Variants in FASTK observed in about 807,000 individuals in gnomAD.
FASTK encodes the protein Fas activated serine/threonine kinase, also known as fas-activated serine/threonine kinase.
A neutral mutation model predicts 60.0 loss-of-function variants in FASTK; 28 were observed. The ratio of observed to expected loss-of-function variants is 0.47; its 90% confidence interval spans 0.35 to 0.64. The LOEUF is 0.64. FASTK is among the 30% of genes least tolerant of loss of function. The probability of loss-of-function intolerance (pLI) is 0.01; values close to 1 mark genes in which losing one functional copy is unlikely to be tolerated. For synonymous variants in FASTK, 325 were observed against 307.9 expected (o/e 1.06, Z -0.58); for missense variants, 595 against 713.8 (o/e 0.83, Z 1.90).
At chr7:151,079,376 G>A (rs962832465) in intron 2 of FASTK, 124 bp downstream of exon 2, 3 of 933,292 alleles carry the variant, frequency 3.2e-6, no homozygotes, top group Middle Eastern at 3.4e-4. Flanking sequence ...TAGGACGGGA[G>A]CAGGAGCAAG....
intron 4 of FASTK, 115 bp downstream of exon 4, chr7:151,078,447 G>C (rs1238320014): frequency 8.5e-7 from 1 of 1,182,448 alleles, no homozygotes; most frequent in Non-Finnish European, 1.2e-6. Context: ...GGTCCCAGGG[G>C]ACAGAGAGGG....
At chr7:151,078,168 G>T in intron 4 of FASTK, 76 bp from the exon 5 acceptor site, 1 of 1,165,374 alleles carries the variant, frequency 8.6e-7, no homozygotes, top group Non-Finnish European at 1.2e-6. Flanking sequence ...GCCTTAGAGA[G>T]GCTTAGCCCT....
intron 6 of FASTK, 109 bp from the exon 7 acceptor site, chr7:151,077,510 T>C: frequency 6.6e-7 from 1 of 1,510,102 alleles, no homozygotes; most frequent in Non-Finnish European, 9.0e-7. Flanking sequence ...CAGGGCCCAG[T>C]TTTATGGTGG....
chr7:151,079,684 G>T lies in FASTK; in HGVS notation c.321C>A (p.Ser107Arg), dbSNP rs752272616. The change falls in exon 2 of 10, where the codon AGC becomes AGA. Residue 107 changes from serine (S) to arginine (R), a missense_variant. Coordinates refer to ENST00000297532, the MANE Select transcript of FASTK (RefSeq NM_006712.5). ...ELLRWLGQNP[S>R]KVRAHHYSVA... ...CCGAGTAGTGGTGGGCGCGCACCTT[G>T]CTGGGGTTCTGGCCCAGCCAGCGCA... 1 of 1,608,736 alleles carries T rather than the reference G, an allele frequency of 6.2e-7. No individual in the cohort carries two copies. Among genetic ancestry groups the T allele is most frequent in the Admixed American group, 1.7e-5 (1 of 59,408 alleles).
intron 2 of FASTK, 59 bp from the exon 3 acceptor site, chr7:151,079,080 G>A: frequency 1.5e-6 from 2 of 1,368,564 alleles, no homozygotes; most frequent in Non-Finnish European, 1.9e-6. Context: ...TTCTTATCAT[G>A]GGGTTACTTG....
At position 151,078,945 on chromosome 7, in the gene FASTK, G is replaced by C; in HGVS notation, c.582C>G (p.Pro194=). Residue 194 remains proline (P), a synonymous_variant, in exon 3 of 10, where the codon CCC becomes CCG. Transcript: ENST00000297532. ...CACCTCGGAGAAGGGGCTGCAAAGG[G>C]GGAGGTGGCTTCGGAGGGAGGCGGA... ...RRLRLPPKPP[P]PLQPLLRGGQ... is the part of the protein sequence containing the mutation. 1.3e-6 allele frequency: 2 copies of C among 1,568,402 alleles called. No individual in the cohort carries two copies. Among genetic ancestry groups the C allele is most frequent in the Non-Finnish European group, 1.7e-6 (2 of 1,162,936 alleles).
At chr7:151,078,797 T>G in intron 3 of FASTK, 45 bp downstream of exon 3, 1 of 1,608,664 alleles carries the variant, frequency 6.2e-7, no homozygotes, top group Non-Finnish European at 8.5e-7. Flanking sequence ...TTCCTCCTCC[T>G]GTCAGCCCTC....
rs1797892502 is a variant in FASTK, at chr7:151,079,921, C to A, written c.84G>T (p.Trp28Cys). Residue 28 changes from tryptophan to cysteine, a missense_variant and splice_region_variant, in exon 2 of 10, where the codon TGG becomes TGT. Coordinates refer to ENST00000297532, the MANE Select transcript of FASTK (RefSeq NM_006712.5). ...GATCAGPGESWSPSPNSMLRV... is the reference protein window; with the variant it reads ...GATCAGPGESCSPSPNSMLRV... ...GAAGCATGGAGTTGGGTGATGGAGACCCTGAGGGGCAGCCCAAAAAAGGGG... is the reference window on the plus strand; with the variant it reads ...GAAGCATGGAGTTGGGTGATGGAGAACCTGAGGGGCAGCCCAAAAAAGGGG... 1 of 1,576,432 alleles carries A rather than the reference C, an allele frequency of 6.3e-7. No individual in the cohort carries two copies.
In FASTK at chr7:151,079,825, G is replaced by C; in HGVS notation, c.180C>G (p.Pro60=). 1 of 1,601,784 alleles carries C rather than the reference G, an allele frequency of 6.2e-7. No individual in the cohort carries two copies. Among genetic ancestry groups the C allele is most frequent in the Non-Finnish European group, 8.5e-7 (1 of 1,174,280 alleles). ...CCCATTTGCTGGGCCCCAAACAGCA[G>C]GGCTGTACTGGAGGGATCAGCAGCA... The part of the protein sequence containing the change: ...SGLLLIPPVQ[P]CCLGPSKWGD... The change falls in exon 2 of 10, where the codon CCC becomes CCG. Residue 60 remains proline (P), a synonymous_variant. Transcript: ENST00000297532.
rs373219100 is a variant in FASTK, at chr7:151,077,276, G to A, written c.1291+34C>T. ...GGCCGGCGGCCTTAGCCAGGGCTCC[G>A]TCTCCCCGGGCCTGCCGCCTGCCCC... On this transcript the variant is annotated intron_variant, in intron 7 of 9. Transcript: ENST00000297532. The A allele has an allele frequency of 1.2e-4, 200 of 1,611,772 alleles. 3 individuals carry two copies. Among genetic ancestry groups the A allele is most frequent in the South Asian group, 9.7e-4 (88 of 91,060 alleles).
rs764281614 is a variant in FASTK at position 151,079,549 on chromosome 7, G to C, written c.456C>G (p.Ser152=). 1 of 1,613,444 alleles carries C rather than the reference G, an allele frequency of 6.2e-7. No individual in the cohort carries two copies. The highest frequency in any genetic ancestry group is 1.1e-5 in the South Asian group (1 of 91,000). The part of the protein sequence containing the change: ...LSQLIIRNCP[S]FDIHTIHVCL... ...ACACGTGGATGGTGTGAATGTCAAA[G>C]GAGGGGCAGTTTCGGATGATGAGCT... The change falls in exon 2 of 10, where the codon TCC becomes TCG. Residue 152 remains serine, a synonymous_variant. Coordinates refer to ENST00000297532, the MANE Select transcript of FASTK (RefSeq NM_006712.5).
chr7:151,077,293 G>C lies in FASTK; in HGVS notation c.1291+17C>G. On this transcript the variant is annotated intron_variant, in intron 7 of 9. Coordinates refer to ENST00000297532, the MANE Select transcript of FASTK (RefSeq NM_006712.5). Reference sequence around the variant, plus strand: ...AGGGCTCCGTCTCCCCGGGCCTGCCGCCTGCCCCTTGCTCACCTGTGCAGT... The same window carrying C: ...AGGGCTCCGTCTCCCCGGGCCTGCCCCCTGCCCCTTGCTCACCTGTGCAGT... 6.2e-7 allele frequency: 1 copy of C among 1,612,512 alleles called. No homozygotes were observed. Among genetic ancestry groups the C allele is most frequent in the South Asian group, 1.1e-5 (1 of 91,076 alleles).
rs755148604 is a variant in FASTK, at chr7:151,077,127, G to A, written c.1401C>T (p.Ser467=). The part of the protein sequence containing the change: ...RSCPQGQAAS[S]ATTRDPAQRV... ...TCTGGGCAGGGTCTCGAGTAGTGGC[G>A]CTAGAGGCAGCCTGGCCCTGTGGGC... is the stretch of plus-strand genomic sequence containing the variant. The change falls in exon 8 of 10, where the codon AGC becomes AGT. Residue 467 remains serine (S), a synonymous_variant. Transcript: ENST00000297532. 32 of 1,611,858 alleles carry A rather than the reference G, an allele frequency of 2.0e-5. No individual in the cohort carries two copies. Among genetic ancestry groups the A allele is most frequent in the Non-Finnish European group, 2.6e-5 (31 of 1,178,892 alleles).
chr7:151,078,167 A>C, intron 4 of FASTK, 75 bp from the exon 5 acceptor site: 1 of 1,180,586 alleles, frequency 8.5e-7, no homozygotes, highest in South Asian at 1.4e-5. Context: ...AGCCTTAGAG[A>C]GGCTTAGCCC....
Position 151,078,100 on chromosome 7 carries a change from G to GTACA in FASTK, c.826-9_826-8insTGTA. On this transcript the variant is annotated splice_polypyrimidine_tract_variant and intron_variant, in intron 4 of 9. Transcript: ENST00000297532. ...GACCAACTTCTGTACCACCTGTGGA[G>GTACA]GAAGAGCAGTTCATTACCCAGTGTC... 6.3e-7 allele frequency: 1 copy of GTACA among 1,575,254 alleles called. No individual in the cohort carries two copies. Among genetic ancestry groups the GTACA allele is most frequent in the South Asian group, 1.1e-5 (1 of 88,196 alleles).
chr7:151,077,060 C>A lies in FASTK; in HGVS notation c.1428-33G>T, dbSNP rs768971500. The A allele has an allele frequency of 3.1e-6, 5 of 1,609,476 alleles. No homozygotes were observed. In the Admixed American group the frequency reaches 6.7e-5, roughly 22 times the overall value. ...GGGAGGGACGTGGCTCAGGGCATGG[C>A]GGGCAAGGTGGCCAGGGCTCCCCCA... On this transcript the variant is annotated intron_variant, in intron 8 of 9. Transcript: ENST00000297532.
In FASTK at chr7:151,078,552, G is replaced by A; in HGVS notation, c.825+10C>T. 1 of 1,611,966 alleles carries A rather than the reference G, an allele frequency of 6.2e-7. No homozygotes were observed. Among genetic ancestry groups the A allele is most frequent in the Non-Finnish European group, 8.5e-7 (1 of 1,178,678 alleles). ...ACAGAGATGCACTGGAGGGTGGGTG[G>A]CAAGCCCACCTTGCTGCTGAGTTGC... On this transcript the variant is annotated intron_variant, in intron 4 of 9. Coordinates refer to ENST00000297532, the MANE Select transcript of FASTK (RefSeq NM_006712.5).
rs1183364419 is a variant in FASTK at position 151,077,768 on chromosome 7, G to C, written c.1052C>G (p.Ala351Gly). 2 of 1,597,420 alleles carry C rather than the reference G, an allele frequency of 1.3e-6. No individual in the cohort carries two copies. The highest frequency in any genetic ancestry group is 1.7e-6 in the Non-Finnish European group (2 of 1,168,876). The stretch of plus-strand genomic sequence containing the variant: ...GGAGAGGTAGCGACGCACAATCAGA[G>C]CATGAGGGGTGCCTGTGGGGAGGCG... ...FINYISGTPH[A>G]LIVRRYLSLL... The change falls in exon 6 of 10, where the codon GCT (alanine) becomes GGT (glycine). Residue 351 changes from alanine (A) to glycine (G), a missense_variant. Ala to Gly is a moderately conservative substitution (Grantham distance 60, BLOSUM62 0). Coordinates refer to ENST00000297532, the MANE Select transcript of FASTK (RefSeq NM_006712.5).
At chr7:151,079,293 T>C in intron 2 of FASTK, 1 of 610,800 alleles carries the variant, frequency 1.6e-6, no homozygotes, top group Non-Finnish European at 2.8e-6. Flanking sequence ...GGCACTCTAT[T>C]AGCAGGAATC....
Sources: gnomAD v4.1 joint callset for allele counts on GRCh38, gnomAD v4.1.1 for gene constraint, MANE v1.5 for transcripts, NCBI Gene and HGNC (gene_info 2026-07-23, HGNC 2026-07-21) for gene names.